Variants in DCDC2C observed in about 807,000 individuals in gnomAD.
The protein encoded by DCDC2C is doublecortin domain-containing protein 2C.
A neutral mutation model predicts 45.0 loss-of-function variants in DCDC2C; 44 were observed. That is an observed-to-expected ratio of 0.98 (90% confidence interval 0.77 to 1.26). The LOEUF (loss-of-function observed/expected upper bound fraction) is 1.26. Among genes scored for constraint, DCDC2C ranks in the 50% most tolerant of loss-of-function variants. The pLI, the probability that DCDC2C is intolerant of heterozygous loss-of-function variation, is 0.00. For synonymous variants in DCDC2C, 187 were observed against 178.8 expected, an observed-to-expected ratio of 1.05 and a Z score of -0.37; for missense variants, 447 against 468.9, an observed-to-expected ratio of 0.95 and a Z score of 0.43.
intron 8 of DCDC2C, among the ~76,000 whole-genome samples, chr2:3,771,673 T>C (rs890286531): frequency 6.6e-6 from 1 of 152,212 alleles, no homozygotes; most frequent in Non-Finnish European, 1.5e-5. Context: ...ACATAGGATG[T>C]GGTTTGTGCA....
chr2:3,722,617 G>A (rs1226979752), intron 2 of DCDC2C, among the ~76,000 whole-genome samples: 2 of 152,238 alleles, frequency 1.3e-5, no homozygotes, highest in African/African-American at 4.8e-5. Flanking sequence ...GATGACTGAT[G>A]TGAGTCTTTG....
At chr2:3,806,436 C>A (rs934844704) in intron 10 of DCDC2C, among the ~76,000 whole-genome samples, 3 of 152,170 alleles carry the variant, frequency 2.0e-5, no homozygotes, top group Non-Finnish European at 2.9e-5. Flanking sequence ...TGTGAGTGCC[C>A]GCGTTGTATG....
At chr2:3,766,226 G>T (rs906745390) in intron 6 of DCDC2C, among the ~76,000 whole-genome samples, 5 of 152,032 alleles carry the variant, frequency 3.3e-5, no homozygotes, top group Admixed American at 2.0e-4. Flanking sequence ...GGTGGGTTGT[G>T]CATGCTTGTC....
chr2:3,750,490 C>T (rs1018228519), intron 4 of DCDC2C, among the ~76,000 whole-genome samples: 5 of 152,118 alleles, frequency 3.3e-5, no homozygotes, highest in African/African-American at 1.2e-4. Context: ...ACATTCTAAT[C>T]TTGTCCTTTC....
chr2:3,750,219 C>T (rs1669504494), intron 4 of DCDC2C, among the ~76,000 whole-genome samples: 1 of 152,128 alleles, frequency 6.6e-6, no homozygotes, highest in African/African-American at 2.4e-5. Context: ...TTTTCTGTCC[C>T]TTGGTCTCCC....
At chr2:3,704,771 G>C (rs902509795) in intron 1 of DCDC2C, among the ~76,000 whole-genome samples, 2 of 150,484 alleles carry the variant, frequency 1.3e-5, no homozygotes, top group Non-Finnish European at 3.0e-5. Context: ...GGCGGGTTGG[G>C]CAGTTCCCAT....
At chr2:3,785,180 A>C (rs1670617240) in intron 10 of DCDC2C, 80 bp downstream of exon 10, 1 of 1,077,226 alleles carries the variant, frequency 9.3e-7, no homozygotes, top group African/African-American at 1.6e-5. Context: ...ACGGATCCCC[A>C]AATCTTCTCA....
intron 7 of DCDC2C, 143 bp downstream of exon 7, chr2:3,768,023 G>C (rs777444040): frequency 5.4e-5 from 53 of 983,256 alleles, no homozygotes; most frequent in Non-Finnish European, 6.8e-5. Context: ...AAAAGGTTCA[G>C]CTTGTAGGTA....
chr2:3,780,148 C>T (rs1166080444), intron 9 of DCDC2C, among the ~76,000 whole-genome samples: 1 of 152,078 alleles, frequency 6.6e-6, no homozygotes, highest in Non-Finnish European at 1.5e-5. Flanking sequence ...CACCCTCCGT[C>T]GAGGGTAAGA....
chr2:3,703,888 TG>T lies in DCDC2C; in HGVS notation c.138del (p.Leu47TrpfsTer54). The T allele has an allele frequency of 7.6e-7, 1 of 1,324,320 alleles. No homozygotes were observed. The highest frequency in any genetic ancestry group is 2.0e-5 in the South Asian group (1 of 49,174). The allele number at this position is 1,324,320 out of a possible 1,614,324, so 82.0% of individuals were successfully genotyped here. ...CGCCGCGCGGCCACCTTCGAGGCGC[TG>T]CTGGAGCAGCTCACGGAGCAGGTGG... ...SRRRAATFEA[L>X]LEQLTEQVDV... On this transcript the variant is annotated frameshift_variant, in exon 1 of 11. Transcript: ENST00000399143. LOFTEE classifies it high-confidence loss of function. The surrounding 1 kb of genome is among the most constrained non-coding windows in gnomAD (Gnocchi z 4.4).
rs1249701966 is a variant in DCDC2C, at chr2:3,845,677, G to GCTCCATT, written c.1066-1474_1066-1468dup. On this transcript the variant is annotated intron_variant, in intron 10 of 10. Transcript: ENST00000399143. The stretch of plus-strand genomic sequence containing the variant: ...TAGAGAGCACATCTACTTTGATTTG[G>GCTCCATT]CTCCATTCTAAGTATATGTCTTAGT... Among the ~76,000 whole-genome samples the GCTCCATT allele has an allele frequency of 2.0e-5, 3 of 150,726 alleles. No homozygotes were observed. In the East Asian group the frequency reaches 5.9e-4, roughly 30 times the overall value.
chr2:3,791,308 C>A (rs1670805058), intron 10 of DCDC2C, among the ~76,000 whole-genome samples: 1 of 152,136 alleles, frequency 6.6e-6, no homozygotes, highest in African/African-American at 2.4e-5. Context: ...GAACCAATCG[C>A]CTTTTCGTGT....
chr2:3,763,469 C>G (rs989243505), intron 6 of DCDC2C, among the ~76,000 whole-genome samples: 1 of 152,202 alleles, frequency 6.6e-6, no homozygotes, highest in Non-Finnish European at 1.5e-5. Flanking sequence ...ACTGAAGGCT[C>G]CTTGCCCTTG....
chr2:3,826,886 C>T (rs996704437), intron 10 of DCDC2C, among the ~76,000 whole-genome samples: 6 of 152,078 alleles, frequency 3.9e-5, no homozygotes, highest in Middle Eastern at 3.4e-3. Flanking sequence ...GGCCTTCCTC[C>T]CTCCTTCCCT....
chr2:3,826,242 C>A (rs943660696), intron 10 of DCDC2C, among the ~76,000 whole-genome samples: 2 of 152,110 alleles, frequency 1.3e-5, no homozygotes, highest in African/African-American at 4.8e-5. Context: ...TCCTTGCTCC[C>A]CATTAAAAAC....
chr2:3,823,808 A>C (rs939346219), intron 10 of DCDC2C, among the ~76,000 whole-genome samples: 2 of 151,694 alleles, frequency 1.3e-5, no homozygotes, highest in Admixed American at 1.3e-4. Flanking sequence ...TGTAATTTTC[A>C]TCTTTGTTTC....
At chr2:3,830,392 G>C (rs1056079194) in intron 10 of DCDC2C, among the ~76,000 whole-genome samples, 2 of 152,076 alleles carry the variant, frequency 1.3e-5, no homozygotes, top group African/African-American at 4.8e-5. Flanking sequence ...GTGCAGAGGA[G>C]AGCAAGCACT....
chr2:3,800,209 G>A (rs1443289197), intron 10 of DCDC2C, among the ~76,000 whole-genome samples: 1 of 152,210 alleles, frequency 6.6e-6, no homozygotes, highest in Non-Finnish European at 1.5e-5. Flanking sequence ...GTGAGGCAAT[G>A]CCTCGCCCTG....
At chr2:3,831,624 G>T (rs1671954289) in intron 10 of DCDC2C, among the ~76,000 whole-genome samples, 1 of 152,200 alleles carries the variant, frequency 6.6e-6, no homozygotes, top group Admixed American at 6.5e-5. Context: ...ATTTAAGAAT[G>T]CTTGAAAATG....
Sources: allele counts gnomAD v4.1 joint callset (sites outside exome capture counted in the v4.1 genomes callset), GRCh38; gene constraint gnomAD v4.1.1; non-coding constraint Gnocchi (gnomAD v3.1); transcripts MANE v1.5; gene names NCBI Gene and HGNC (gene_info 2026-07-23, HGNC 2026-07-21).